WWOX: variants seen among roughly 807,000 people sequenced by gnomAD.
WWOX encodes WW domain containing oxidoreductase.
WWOX carries 69 observed loss-of-function variants against 46.2 expected under a neutral mutation model. The ratio of observed to expected loss-of-function variants is 1.49; its 90% CI spans 1.23 to 1.82. WWOX has a LOEUF of 1.82. Among genes scored for constraint, WWOX ranks in the 40% most tolerant of loss-of-function variants. The pLI is 0.00. For synonymous variants in WWOX, 359 were observed against 202.6 expected (o/e 1.77, Z -6.56); for missense variants, 919 against 542.6 (o/e 1.69, Z -6.89).
At chr16:78,121,129 G>GTT (rs2033073848) in intron 4 of WWOX, among the ~76,000 whole-genome samples, 1 of 152,032 alleles carries the variant, frequency 6.6e-6, no homozygotes, top group Non-Finnish European at 1.5e-5. Context: ...CTTTCTGATT[G>GTT]TTGACCAGAC....
At chr16:78,866,340 C>G (rs951132821) in intron 8 of WWOX, among the ~76,000 whole-genome samples, 2 of 152,070 alleles carry the variant, frequency 1.3e-5, no homozygotes, top group African/African-American at 4.8e-5. Flanking sequence ...CTCTGGGGGA[C>G]TGAGACATGA....
At chr16:78,760,178 C>A (rs754339217) in intron 8 of WWOX, among the ~76,000 whole-genome samples, 2 of 152,112 alleles carry the variant, frequency 1.3e-5, no homozygotes, top group Non-Finnish European at 2.9e-5. Context: ...CGGCAGCAGA[C>A]GAGAGAGAGT....
At chr16:78,965,059 C>A (rs577693838) in intron 8 of WWOX, among the ~76,000 whole-genome samples, 8 of 152,312 alleles carry the variant, frequency 5.3e-5, no homozygotes, top group Admixed American at 5.2e-4. Flanking sequence ...ATGGGTGGAG[C>A]CCTCATGGAG....
intron 8 of WWOX, among the ~76,000 whole-genome samples, chr16:79,100,697 A>G (rs945891440): frequency 1.3e-5 from 2 of 152,150 alleles, no homozygotes; most frequent in African/African-American, 4.8e-5. Context: ...ACTCAGCCTA[A>G]GGGGGTGCTT....
intron 5 of WWOX, among the ~76,000 whole-genome samples, chr16:78,354,143 A>G (rs1195000045): frequency 6.6e-6 from 1 of 152,162 alleles, no homozygotes; most frequent in Non-Finnish European, 1.5e-5. Context: ...CAGGAAAGAC[A>G]ATGCAGCTTT....
chr16:78,941,151 T>C (rs965657311), intron 8 of WWOX, among the ~76,000 whole-genome samples: 1 of 152,158 alleles, frequency 6.6e-6, no homozygotes, highest in Non-Finnish European at 1.5e-5. Context: ...CAAGCAGATA[T>C]ACTGAACTGG....
chr16:78,530,883 T>C lies in WWOX; in HGVS notation c.1056+98131T>C, dbSNP rs188473049. On this transcript the variant is annotated intron_variant, in intron 8 of 8. Transcript: ENST00000566780. ...AATAATCCAGGAGCTGTGCTAAACG[T>C]TTTACAACACATTATCTCACTTAAT... 5.4e-3 allele frequency among the ~76,000 whole-genome samples: 823 copies of C among 152,302 alleles called. 10 individuals carry two copies. Among genetic ancestry groups the C allele is most frequent in the African/African-American group, 0.019 (796 of 41,552 alleles).
intron 8 of WWOX, among the ~76,000 whole-genome samples, chr16:78,594,120 A>C (rs547623296): frequency 3.9e-4 from 59 of 151,548 alleles, no homozygotes; most frequent in African/African-American, 1.3e-3. Flanking sequence ...CTCCTTCTCA[A>C]CTCCTCCTCC....
chr16:78,755,806 T>A (rs2049631677), intron 8 of WWOX, among the ~76,000 whole-genome samples: 1 of 152,238 alleles, frequency 6.6e-6, no homozygotes, highest in Non-Finnish European at 1.5e-5. Context: ...ACTCTCACTT[T>A]CGCCATTTAA....
intron 8 of WWOX, among the ~76,000 whole-genome samples, chr16:79,076,915 A>C (rs2048667971): frequency 6.6e-6 from 1 of 152,230 alleles, no homozygotes; most frequent in Non-Finnish European, 1.5e-5. Flanking sequence ...TTTCATCCTC[A>C]TGCTTACCCT....
chr16:78,376,097 G>A (rs768706918), intron 5 of WWOX, among the ~76,000 whole-genome samples: 119 of 152,128 alleles, frequency 7.8e-4, no homozygotes, highest in Middle Eastern at 3.4e-3. Flanking sequence ...TGATCCACCC[G>A]CTTCAGCCTC....
At chr16:78,766,333 A>G (rs950445795) in intron 8 of WWOX, among the ~76,000 whole-genome samples, 2 of 152,158 alleles carry the variant, frequency 1.3e-5, no homozygotes, top group African/African-American at 4.8e-5. Flanking sequence ...ATGGTAGCAC[A>G]CTTGTAATCT....
intron 8 of WWOX, among the ~76,000 whole-genome samples, chr16:78,716,407 A>G (rs900448913): frequency 1.3e-5 from 2 of 152,160 alleles, no homozygotes; most frequent in Non-Finnish European, 2.9e-5. Flanking sequence ...CCCAGTGTGC[A>G]GTAGCTTTCT....
At chr16:79,040,709 C>T (rs1480780257) in intron 8 of WWOX, among the ~76,000 whole-genome samples, 1 of 152,122 alleles carries the variant, frequency 6.6e-6, no homozygotes, top group African/African-American at 2.4e-5. Flanking sequence ...AGTCACAGAT[C>T]ATTGGGATAA....
At chr16:78,857,628 T>C (rs1203964484) in intron 8 of WWOX, among the ~76,000 whole-genome samples, 4 of 152,228 alleles carry the variant, frequency 2.6e-5, no homozygotes, top group Admixed American at 1.3e-4. Context: ...AGCCTAACAT[T>C]GACTATCTTG....
At chr16:78,112,425 T>C (rs557398117) in intron 3 of WWOX, among the ~76,000 whole-genome samples, 2 of 152,292 alleles carry the variant, frequency 1.3e-5, no homozygotes, top group African/African-American at 4.8e-5. Flanking sequence ...ATGACATGTG[T>C]GTTTTTTGAG....
intron 8 of WWOX, among the ~76,000 whole-genome samples, chr16:78,493,824 G>A (rs1281355614): frequency 1.3e-5 from 2 of 152,166 alleles, no homozygotes; most frequent in East Asian, 1.9e-4. Context: ...TGTAGAGTCC[G>A]TGTTCTTACC....
chr16:78,609,790 G>T (rs970581525), intron 8 of WWOX, among the ~76,000 whole-genome samples: 4 of 152,156 alleles, frequency 2.6e-5, no homozygotes, highest in Non-Finnish European at 2.9e-5. Context: ...CCATGCAAAT[G>T]AAAATATTTT....
In WWOX at chr16:78,803,034, G is replaced by A. The variant is rs904547686; in HGVS notation, c.1056+370282G>A. The stretch of plus-strand genomic sequence containing the variant: ...CATGGAATTCATGGTGCCTTGTACT[G>A]TGGCCAGTAGGTGCAAGAGTATCTA... On this transcript the variant is annotated intron_variant, in intron 8 of 8. Transcript: ENST00000566780. Among the ~76,000 whole-genome samples the A allele has an allele frequency of 6.4e-4, 96 of 149,670 alleles. 1 individual carries two copies. The highest frequency in any genetic ancestry group is 2.0e-4 in the East Asian group (1 of 5,122).
Sources: gnomAD v4.1 joint callset for allele counts (sites outside exome capture counted in the v4.1 genomes callset) on GRCh38, gnomAD v4.1.1 for gene constraint, MANE v1.5 for transcripts, NCBI Gene and HGNC (gene_info 2026-07-23, HGNC 2026-07-21) for gene names.